Variants in C12orf42 observed in about 807,000 individuals in gnomAD.
C12orf42 encodes the protein chromosome 12 open reading frame 42.
Under a neutral mutation model 21.6 loss-of-function variants are expected in C12orf42, and 25 were observed. The observed-to-expected ratio is 1.16, with a 90% CI of 0.84 to 1.62. The LOEUF (loss-of-function observed/expected upper bound fraction) is 1.62, where lower values mean the gene tolerates loss of function less well. Ranked by LOEUF, C12orf42 falls within the 40% of genes most tolerant of loss-of-function variation. C12orf42 has a pLI of 0.00. For synonymous variants in C12orf42, 174 were observed against 175.0 expected (o/e 0.99, Z 0.05); for missense variants, 483 against 459.3 (o/e 1.05, Z -0.47).
intron 3 of C12orf42, among the ~76,000 whole-genome samples, chr12:103,369,944 C>T (rs1276351530): frequency 6.6e-6 from 1 of 152,040 alleles, no homozygotes; most frequent in Non-Finnish European, 1.5e-5. Flanking sequence ...AAACAGACAA[C>T]CTACAGAAAA....
At position 103,313,562 on chromosome 12, in the gene C12orf42, C is replaced by T. The variant is rs1402331070; in HGVS notation, c.260-7217G>A. 2.6e-5 allele frequency among the ~76,000 whole-genome samples: 4 copies of T among 152,154 alleles called. No individual in the cohort carries two copies. The East Asian group carries it at 7.7e-4, about 29-fold the overall frequency. On this transcript the variant is annotated intron_variant, in intron 4 of 5. Transcript: ENST00000548883. ...CTTAAGTGTTCTCTGCCTCAGTTTT[C>T]CCATTCATAAAATAAAAATAATGAT...
chr12:103,495,540 G>A (rs964939073), intron 1 of C12orf42, among the ~76,000 whole-genome samples: 3 of 152,052 alleles, frequency 2.0e-5, no homozygotes, highest in Non-Finnish European at 4.4e-5. Context: ...GCTCGCCTCC[G>A]CGGGGGACCA....
At position 103,306,133 on chromosome 12, in the gene C12orf42, G is replaced by A. The variant is rs2038291309; in HGVS notation, c.472C>T (p.Pro158Ser). Residue 158 changes from proline to serine, a missense_variant, in exon 5 of 6, where the codon CCC becomes TCC. Physicochemically the swap from Pro to Ser is moderately conservative, Grantham distance 74. Transcript: ENST00000548883. ...AATGAACTGTTCCAAGCCTGCTTGGGTGCTCCTCTGGCTCTCTCCTCAGTT... is the reference window on the plus strand; with the variant it reads ...AATGAACTGTTCCAAGCCTGCTTGGATGCTCCTCTGGCTCTCTCCTCAGTT... ...GETEERARGA[P>S]KQAWNSSFLE... 6.2e-7 allele frequency: 1 copy of A among 1,613,906 alleles called. No homozygotes were observed.
chr12:103,173,136 C>A, the C12orf42 span, among the ~76,000 whole-genome samples: 1 of 152,026 alleles, frequency 6.6e-6, no homozygotes, highest in Non-Finnish European at 1.5e-5. Flanking sequence ...GTTTAGGGGT[C>A]CAGAGTTGTT....
At chr12:103,081,994 A>G in the C12orf42 span, among the ~76,000 whole-genome samples, 1 of 152,196 alleles carries the variant, frequency 6.6e-6, no homozygotes, top group African/African-American at 2.4e-5. Flanking sequence ...TTGTTTCTAC[A>G]AAAAGCTCTT....
At chr12:103,451,465 C>T (rs535900535) in intron 2 of C12orf42, among the ~76,000 whole-genome samples, 1 of 152,196 alleles carries the variant, frequency 6.6e-6, no homozygotes, top group Non-Finnish European at 1.5e-5. Context: ...CCTAGCACCG[C>T]ACCCTCCCAA....
chr12:103,080,033 A>T, the C12orf42 span, among the ~76,000 whole-genome samples: 66 of 152,296 alleles, frequency 4.3e-4, no homozygotes, highest in African/African-American at 1.5e-3. Context: ...TACCACAGAC[A>T]TTATATATAC....
At chr12:103,382,819 A>G (rs1185901495) in intron 3 of C12orf42, among the ~76,000 whole-genome samples, 1 of 151,794 alleles carries the variant, frequency 6.6e-6, no homozygotes, top group Non-Finnish European at 1.5e-5. Context: ...CTTTTCTCCT[A>G]CCTTTCCTAT....
the C12orf42 span, among the ~76,000 whole-genome samples, chr12:103,149,596 C>G: frequency 6.6e-6 from 1 of 152,010 alleles, no homozygotes; most frequent in Admixed American, 6.6e-5. Flanking sequence ...CCATGTTGCT[C>G]TCATGATAGT....
chr12:103,058,126 T>G, the C12orf42 span, among the ~76,000 whole-genome samples: 1 of 152,038 alleles, frequency 6.6e-6, no homozygotes, highest in African/African-American at 2.4e-5. Context: ...AAGCTAATTT[T>G]TGTATTTTTA....
At chr12:103,164,952 G>T in the C12orf42 span, among the ~76,000 whole-genome samples, 2 of 152,206 alleles carry the variant, frequency 1.3e-5, no homozygotes, top group Non-Finnish European at 2.9e-5. Context: ...AATGTCTTCA[G>T]ACAGAGAAAT....
the C12orf42 span, among the ~76,000 whole-genome samples, chr12:103,151,163 G>A: frequency 3.3e-5 from 5 of 152,136 alleles, no homozygotes; most frequent in African/African-American, 4.8e-5. Flanking sequence ...TCCTGACCTC[G>A]TGATCTGCCT....
chr12:103,141,590 C>A, the C12orf42 span, among the ~76,000 whole-genome samples: 47,291 of 147,342 alleles, frequency 0.32, 8,266 homozygotes, highest in East Asian at 0.66. Flanking sequence ...AGTGCAGTGG[C>A]GGGATCTCGG....
chr12:103,540,395 G>C, the C12orf42 span, among the ~76,000 whole-genome samples: 2 of 152,140 alleles, frequency 1.3e-5, no homozygotes, highest in Non-Finnish European at 2.9e-5. Flanking sequence ...TAAGAAAGGA[G>C]TGTTAAAATA....
At chr12:103,190,784 A>G in the C12orf42 span, among the ~76,000 whole-genome samples, 1 of 152,194 alleles carries the variant, frequency 6.6e-6, no homozygotes, top group Non-Finnish European at 1.5e-5. Flanking sequence ...GAGTAAACCA[A>G]TGTACATATT....
At chr12:103,404,095 C>T (rs943599209) in intron 2 of C12orf42, among the ~76,000 whole-genome samples, 1 of 152,198 alleles carries the variant, frequency 6.6e-6, no homozygotes, top group Non-Finnish European at 1.5e-5. Context: ...CCAAGGAAAT[C>T]ATGTGCATTC....
intron 4 of C12orf42, among the ~76,000 whole-genome samples, chr12:103,281,362 C>A (rs1198978042): frequency 6.6e-6 from 1 of 152,054 alleles, no homozygotes; most frequent in Non-Finnish European, 1.5e-5. Context: ...ATCATCCTGA[C>A]GTGTTTGTTG....
the C12orf42 span, among the ~76,000 whole-genome samples, chr12:103,134,808 A>T: frequency 6.6e-6 from 1 of 152,180 alleles, no homozygotes; most frequent in Non-Finnish European, 1.5e-5. Flanking sequence ...TCCATGGCAA[A>T]TGATAGACAG....
chr12:103,336,341 T>TC (rs1383372062), intron 4 of C12orf42, among the ~76,000 whole-genome samples: 1 of 152,222 alleles, frequency 6.6e-6, no homozygotes, highest in African/African-American at 2.4e-5. Flanking sequence ...TCTGGTGTTT[T>TC]CCACACACTT....
Sources: allele counts gnomAD v4.1 joint callset (sites outside exome capture counted in the v4.1 genomes callset), GRCh38; gene constraint gnomAD v4.1.1; transcripts MANE v1.5; gene names NCBI Gene and HGNC (gene_info 2026-07-23, HGNC 2026-07-21).